Variants in SH3GL2 observed in about 807,000 individuals in gnomAD.
SH3GL2 encodes the protein SH3 domain containing GRB2 like 2, endophilin A1.
SH3GL2 carries 24 observed loss-of-function variants against 46.0 expected under a neutral mutation model. That is an observed-to-expected ratio of 0.52 (90% CI 0.38 to 0.73). The LOEUF is 0.73. SH3GL2 is among the 30% of genes least tolerant of loss of function. The probability of loss-of-function intolerance (pLI) is 0.00; values close to 1 mark genes in which losing one functional copy is unlikely to be tolerated. For synonymous variants in SH3GL2, 196 were observed against 147.1 expected, an observed-to-expected ratio of 1.33 and a Z score of -2.40; for missense variants, 413 against 424.2, an observed-to-expected ratio of 0.97 and a Z score of 0.23.
intron 3 of SH3GL2, among the ~76,000 whole-genome samples, chr9:17,771,102 C>G (rs1244237329): frequency 6.6e-6 from 1 of 152,152 alleles, no homozygotes; most frequent in Non-Finnish European, 1.5e-5. Flanking sequence ...CTGTTCCCAG[C>G]CAGAGCTCCT....
intron 1 of SH3GL2, among the ~76,000 whole-genome samples, chr9:17,650,615 C>T (rs551288634): frequency 5.7e-4 from 87 of 152,084 alleles, no homozygotes; most frequent in Non-Finnish European, 1.2e-3. Flanking sequence ...CTTCAGCCTC[C>T]CAAAGTGCTG....
intron 2 of SH3GL2, among the ~76,000 whole-genome samples, chr9:17,752,856 C>T (rs1423453577): frequency 3.3e-5 from 5 of 152,128 alleles, no homozygotes; most frequent in African/African-American, 9.7e-5. Flanking sequence ...TGTCTCCCTC[C>T]TCCCACCCTC....
At chr9:17,682,196 A>T (rs906691559) in intron 1 of SH3GL2, among the ~76,000 whole-genome samples, 3 of 152,164 alleles carry the variant, frequency 2.0e-5, no homozygotes, top group Admixed American at 6.6e-5. Context: ...TTGACCCAGC[A>T]ATCCCATTAC....
intron 1 of SH3GL2, among the ~76,000 whole-genome samples, chr9:17,705,310 T>C (rs570029019): frequency 5.3e-5 from 8 of 152,152 alleles, no homozygotes; most frequent in African/African-American, 1.9e-4. Flanking sequence ...TAAATTAGTT[T>C]AGCCATTGTG....
chr9:17,767,928 C>T (rs535108143), intron 3 of SH3GL2, among the ~76,000 whole-genome samples: 2 of 152,214 alleles, frequency 1.3e-5, no homozygotes, highest in African/African-American at 4.8e-5. Flanking sequence ...ACTTCTACAT[C>T]TTTGGGGAAA....
intron 1 of SH3GL2, among the ~76,000 whole-genome samples, chr9:17,717,553 G>C (rs117099078): frequency 0.01 from 1,557 of 152,146 alleles, 17 homozygotes; most frequent in Non-Finnish European, 0.018. Context: ...CTGTATCTGT[G>C]AGTGCCTCCT....
At chr9:17,790,212 G>A (rs1432000768) in intron 6 of SH3GL2, among the ~76,000 whole-genome samples, 1 of 152,180 alleles carries the variant, frequency 6.6e-6, no homozygotes, top group Non-Finnish European at 1.5e-5. Flanking sequence ...GTCCTGAGCT[G>A]AGTGGGTGGT....
intron 2 of SH3GL2, among the ~76,000 whole-genome samples, chr9:17,754,048 T>G (rs1822921469): frequency 6.6e-6 from 1 of 152,230 alleles, no homozygotes; most frequent in Non-Finnish European, 1.5e-5. Flanking sequence ...GTGTCTGTTT[T>G]TGTACCAGTA....
At chr9:17,684,598 C>A (rs906447350) in intron 1 of SH3GL2, among the ~76,000 whole-genome samples, 3 of 152,040 alleles carry the variant, frequency 2.0e-5, no homozygotes, top group Non-Finnish European at 2.9e-5. Context: ...ATGACACATA[C>A]CACATAAGAA....
At chr9:17,621,987 G>A (rs1302502147) in intron 1 of SH3GL2, among the ~76,000 whole-genome samples, 1 of 152,092 alleles carries the variant, frequency 6.6e-6, no homozygotes, top group Non-Finnish European at 1.5e-5. Context: ...TTTGTGTAAT[G>A]TTCTTTAGGT....
At chr9:17,766,817 C>T (rs981079399) in intron 3 of SH3GL2, among the ~76,000 whole-genome samples, 1 of 152,036 alleles carries the variant, frequency 6.6e-6, no homozygotes. Flanking sequence ...GATAGTTTGC[C>T]TTTCTGTTCG....
intron 1 of SH3GL2, among the ~76,000 whole-genome samples, chr9:17,613,629 C>A (rs3808757): frequency 0.039 from 5,907 of 152,188 alleles, 137 homozygotes; most frequent in East Asian, 0.11. Flanking sequence ...ACGTGAAGAC[C>A]TTGTGTGGAA....
rs538309200 is a variant in SH3GL2, at chr9:17,596,785, A to G, written c.45+17498A>G. Among the ~76,000 whole-genome samples the G allele has an allele frequency of 2.0e-5, 3 of 152,344 alleles. No individual in the cohort carries two copies. The East Asian group carries it at 5.8e-4, about 29-fold the overall frequency. On this transcript the variant is annotated intron_variant, in intron 1 of 8. Transcript: ENST00000380607. ...ACCCAAACAAAATACATAAAAATGG[A>G]AAAAACACTACCGTGAAACGTAGCC...
At chr9:17,615,646 G>A (rs1307631473) in intron 1 of SH3GL2, among the ~76,000 whole-genome samples, 3 of 114,964 alleles carry the variant, frequency 2.6e-5, no homozygotes, top group South Asian at 6.8e-4. Context: ...CCGACAGAGC[G>A]AGACTCCGTC....
rs1301193426 is a variant in SH3GL2, at chr9:17,579,287, G to A, written c.45G>A (p.Gln15=). 1.9e-6 allele frequency: 3 copies of A among 1,561,572 alleles called. No individual in the cohort carries two copies. Among genetic ancestry groups the A allele is most frequent in the Non-Finnish European group, 2.6e-6 (3 of 1,154,774 alleles). Residue 15 remains glutamine, a splice_region_variant and synonymous_variant, in exon 1 of 9, where the codon CAG becomes CAA. Coordinates refer to ENST00000380607, the MANE Select transcript of SH3GL2 (RefSeq NM_003026.5). ...AGAAGCAGTTCCATAAAGCCACTCA[G>A]GTAAGGCGCGCGGCAGGTGCGTCCC... ...GLKKQFHKAT[Q]KVSEKVGGAE...
At chr9:17,602,924 A>C (rs188010124) in intron 1 of SH3GL2, among the ~76,000 whole-genome samples, 4 of 152,318 alleles carry the variant, frequency 2.6e-5, no homozygotes, top group Admixed American at 6.5e-5. Flanking sequence ...AATCTTCCTC[A>C]TTGTGGTACT....
At chr9:17,774,551 GT>G (rs71333008) in intron 3 of SH3GL2, among the ~76,000 whole-genome samples, 23,392 of 147,546 alleles carry the variant, frequency 0.16, 2,275 homozygotes, top group Middle Eastern at 0.26. Context: ...CGTGTGTGTG[GT>G]TTTTTTTTTT....
chr9:17,621,082 A>G (rs1366329426), intron 1 of SH3GL2, among the ~76,000 whole-genome samples: 1 of 152,174 alleles, frequency 6.6e-6, no homozygotes, highest in Non-Finnish European at 1.5e-5. Flanking sequence ...AACATGTAAA[A>G]TTTGTGTCAT....
chr9:17,656,256 C>A (rs1363394176), intron 1 of SH3GL2, among the ~76,000 whole-genome samples: 1 of 151,972 alleles, frequency 6.6e-6, no homozygotes, highest in East Asian at 1.9e-4. Flanking sequence ...AAGAAAGTTA[C>A]CCATGGATAG....
Sources: gnomAD v4.1 joint callset for allele counts (sites outside exome capture counted in the v4.1 genomes callset) on GRCh38, gnomAD v4.1.1 for gene constraint, MANE v1.5 for transcripts, NCBI Gene and HGNC (gene_info 2026-07-23, HGNC 2026-07-21) for gene names.